Variants in LDLRAD4 observed in about 807,000 individuals in gnomAD.
The protein encoded by LDLRAD4 is low-density lipoprotein receptor class A domain-containing protein 4.
Under a neutral mutation model 17.0 loss-of-function variants are expected in LDLRAD4, and 5 were observed. The ratio of observed to expected loss-of-function variants is 0.29; its 90% CI spans 0.15 to 0.62. The LOEUF is 0.62. Among genes scored for constraint, LDLRAD4 ranks in the 20% least tolerant of loss-of-function variants. The pLI is 0.84. For missense variants in LDLRAD4, 340 were observed against 424.7 expected (o/e 0.80, Z 1.75); for synonymous variants, 168 against 171.8 (o/e 0.98, Z 0.17).
intron 4 of LDLRAD4, among the ~76,000 whole-genome samples, chr18:13,626,658 T>A (rs1454866527): frequency 6.6e-6 from 1 of 152,208 alleles, no homozygotes; most frequent in African/African-American, 2.4e-5. Flanking sequence ...CCTACAGGGA[T>A]TAAATCGATT....
At chr18:13,348,103 C>T (rs549303657) in intron 1 of LDLRAD4, among the ~76,000 whole-genome samples, 5 of 152,280 alleles carry the variant, frequency 3.3e-5, no homozygotes, top group East Asian at 3.9e-4. Flanking sequence ...AGCTTTGTTG[C>T]GATGCTGGTG....
At chr18:13,501,401 A>G (rs2093611721) in intron 3 of LDLRAD4, 1 of 152,302 alleles carries the variant, frequency 6.6e-6, no homozygotes, top group Admixed American at 6.5e-5. Flanking sequence ...GCCGATTGCC[A>G]TGCTAAGCAA....
chr18:13,627,041 G>C (rs1030943000), intron 4 of LDLRAD4, among the ~76,000 whole-genome samples: 1 of 152,176 alleles, frequency 6.6e-6, no homozygotes, highest in East Asian at 1.9e-4. Context: ...AGGCCGAGGT[G>C]GGCAGATCAC....
At chr18:13,433,195 A>G (rs1199980604) in intron 2 of LDLRAD4, among the ~76,000 whole-genome samples, 5 of 152,232 alleles carry the variant, frequency 3.3e-5, no homozygotes, top group Non-Finnish European at 7.3e-5. Flanking sequence ...ACTGGCAGCT[A>G]GATTTGACCT....
chr18:13,250,303 T>C (rs536265208), intron 1 of LDLRAD4, among the ~76,000 whole-genome samples: 2 of 152,220 alleles, frequency 1.3e-5, no homozygotes, highest in South Asian at 4.1e-4. Flanking sequence ...TATTTTATAA[T>C]TCCATATGAA....
chr18:13,541,087 C>T (rs1362990415), intron 3 of LDLRAD4, among the ~76,000 whole-genome samples: 4 of 152,120 alleles, frequency 2.6e-5, no homozygotes, highest in African/African-American at 4.8e-5. Context: ...CCTCAGAGGC[C>T]CACACACACC....
At position 13,469,031 on chromosome 18, in the gene LDLRAD4, A is replaced by T. The variant is rs554213646; in HGVS notation, c.181+30647A>T. On this transcript the variant is annotated intron_variant, in intron 3 of 5. Coordinates refer to ENST00000359446, the Ensembl canonical transcript of LDLRAD4. ...TAAAAAAAGAACTACTAAAAGACTC[A>T]ACAACAAAAGGACAAATAACCAAAC... Among the ~76,000 whole-genome samples, 4 of 152,346 alleles carry T rather than the reference A, an allele frequency of 2.6e-5. No individual in the cohort carries two copies. In the East Asian group the frequency reaches 7.7e-4, roughly 29 times the overall value.
chr18:13,582,151 A>T (rs1308489445), intron 3 of LDLRAD4, among the ~76,000 whole-genome samples: 1 of 152,134 alleles, frequency 6.6e-6, no homozygotes, highest in Non-Finnish European at 1.5e-5. Context: ...GGGCATAGTG[A>T]TTTATGCCAA....
chr18:13,390,081 A>G (rs1014716947), intron 2 of LDLRAD4, among the ~76,000 whole-genome samples: 4 of 152,148 alleles, frequency 2.6e-5, no homozygotes, highest in Non-Finnish European at 4.4e-5. Context: ...TGAACAGGTC[A>G]GGCTAATGGG....
At chr18:13,415,841 G>T (rs2088842119) in intron 2 of LDLRAD4, among the ~76,000 whole-genome samples, 1 of 152,262 alleles carries the variant, frequency 6.6e-6, no homozygotes, top group Non-Finnish European at 1.5e-5. Context: ...GCCCGGAGGG[G>T]TGCTCCCTCT....
At chr18:13,413,003 A>T (rs2088524630) in intron 2 of LDLRAD4, among the ~76,000 whole-genome samples, 1 of 152,184 alleles carries the variant, frequency 6.6e-6, no homozygotes, top group South Asian at 2.1e-4. Flanking sequence ...ACCTGACAGG[A>T]TCACAGCAAG....
chr18:13,303,686 CT>C (rs1376370344), intron 1 of LDLRAD4, among the ~76,000 whole-genome samples: 1 of 152,030 alleles, frequency 6.6e-6, no homozygotes, highest in Non-Finnish European at 1.5e-5. Flanking sequence ...TGAGCTAAAT[CT>C]TTTAAATGAA....
intron 2 of LDLRAD4, among the ~76,000 whole-genome samples, chr18:13,423,950 T>C (rs201326035): frequency 6.6e-6 from 1 of 151,956 alleles, no homozygotes; most frequent in East Asian, 1.9e-4. Context: ...GCCTGACCAA[T>C]ATGATGAAAC....
chr18:13,531,904 G>A, intron 3 of LDLRAD4, among the ~76,000 whole-genome samples: 1 of 152,248 alleles, frequency 6.6e-6, no homozygotes, highest in South Asian at 2.1e-4. Flanking sequence ...TGGCCCTGCT[G>A]GGGGGCGGCC....
intron 1 of LDLRAD4, among the ~76,000 whole-genome samples, chr18:13,363,383 C>A (rs2083834498): frequency 6.7e-6 from 1 of 148,596 alleles, no homozygotes; most frequent in South Asian, 2.1e-4. Flanking sequence ...GTTAGGTGGG[C>A]AGGCTTCATG....
At chr18:13,316,663 G>A (rs1423739233) in intron 1 of LDLRAD4, among the ~76,000 whole-genome samples, 3 of 152,210 alleles carry the variant, frequency 2.0e-5, no homozygotes, top group East Asian at 1.9e-4. Context: ...GAGGGTGGAC[G>A]TGGAGGGTGG....
At chr18:13,506,395 A>G (rs2093694879) in intron 3 of LDLRAD4, among the ~76,000 whole-genome samples, 2 of 116,960 alleles carry the variant, frequency 1.7e-5, no homozygotes, top group South Asian at 2.8e-4. Flanking sequence ...TGTTTCTTTT[A>G]TAACTCCGTT....
At chr18:13,504,355 C>T (rs9965287) in intron 3 of LDLRAD4, among the ~76,000 whole-genome samples, 108,499 of 152,208 alleles carry the variant, frequency 0.71, 39,034 homozygotes, top group East Asian at 0.95. Flanking sequence ...CCACGGTCTG[C>T]AGATGAACAG....
chr18:13,560,973 G>A (rs748783575), intron 3 of LDLRAD4, among the ~76,000 whole-genome samples: 17 of 152,200 alleles, frequency 1.1e-4, no homozygotes, highest in Admixed American at 5.2e-4. Context: ...CAGGAGCCTC[G>A]TTCTGATTTT....
Sources: gnomAD v4.1 joint callset for allele counts (sites outside exome capture counted in the v4.1 genomes callset) on GRCh38, gnomAD v4.1.1 for gene constraint, MANE v1.5 for transcripts, NCBI Gene and HGNC (gene_info 2026-07-23, HGNC 2026-07-21) for gene names.